UTP18: variants seen among roughly 807,000 people sequenced by gnomAD.
UTP18 encodes U3 small nucleolar RNA-associated protein 18 homolog.
UTP18 carries 36 observed loss-of-function variants against 61.1 expected under a neutral mutation model. The observed-to-expected ratio is 0.59, with a 90% CI of 0.45 to 0.78. The LOEUF is 0.78. Ranked by LOEUF, UTP18 falls within the 30% of genes least tolerant of loss-of-function variation. The pLI is 0.00. For synonymous variants in UTP18, 282 were observed against 251.1 expected (o/e 1.12, Z -1.16); for missense variants, 753 against 693.9 (o/e 1.09, Z -0.96).
intron 11 of UTP18, among the ~76,000 whole-genome samples, chr17:51,290,309 A>T (rs1197387008): frequency 6.6e-6 from 1 of 152,090 alleles, no homozygotes; most frequent in Non-Finnish European, 1.5e-5. Flanking sequence ...CCAGCTACTC[A>T]GGAGGCTGAG....
chr17:51,291,136 G>A (rs747059447), intron 11 of UTP18, among the ~76,000 whole-genome samples: 7 of 152,226 alleles, frequency 4.6e-5, no homozygotes, highest in Non-Finnish European at 8.8e-5. Context: ...GCTCACGCCT[G>A]TAATCCCAGC....
chr17:51,261,087 C>T (rs1462660674), intron 1 of UTP18, among the ~76,000 whole-genome samples, 161 bp downstream of exon 1: 1 of 152,208 alleles, frequency 6.6e-6, no homozygotes, highest in Non-Finnish European at 1.5e-5. Flanking sequence ...GCTGCGGGTC[C>T]CTCGCCTCCC....
chr17:51,270,901 G>A (rs948313689), intron 4 of UTP18, among the ~76,000 whole-genome samples: 13 of 152,326 alleles, frequency 8.5e-5, no homozygotes, highest in Non-Finnish European at 1.8e-4. Context: ...TTGTACATGA[G>A]AGAGGTTCAA....
chr17:51,286,736 G>A (rs1187533133), intron 10 of UTP18, among the ~76,000 whole-genome samples: 3 of 152,194 alleles, frequency 2.0e-5, no homozygotes, highest in South Asian at 2.1e-4. Flanking sequence ...GGTAGTGTGC[G>A]CTATGGCAGC....
Position 51,277,070 on chromosome 17 carries a change from A to G in UTP18, c.838-60A>G, listed in dbSNP as rs1222536486. The G allele has an allele frequency of 5.2e-6, 8 of 1,539,930 alleles. No homozygotes were observed. In the Middle Eastern group the frequency reaches 5.2e-4, roughly 100 times the overall value. On this transcript the variant is annotated intron_variant, in intron 6 of 13. Transcript: ENST00000225298. ...TGAACACTTGTAGTGAAAAGTATATACTACCAGGATACAGGGTCTGTGGAA... is the reference window on the plus strand; with the variant it reads ...TGAACACTTGTAGTGAAAAGTATATGCTACCAGGATACAGGGTCTGTGGAA...
Position 51,277,291 on chromosome 17 carries a change from G to A in UTP18, c.999G>A (p.Val333=), listed in dbSNP as rs1455775060. Residue 333 remains valine (V), a synonymous_variant, in exon 7 of 14, where the codon GTG becomes GTA. Transcript: ENST00000225298. The part of the protein sequence containing the change: ...YDMLAGKLIP[V]HQVRGLKEKI... ...TGCTGGCTGGAAAGTTAATTCCTGTGCATCAAGTGAGAGGTAAGATTTCTG... is the reference window on the plus strand; with the variant it reads ...TGCTGGCTGGAAAGTTAATTCCTGTACATCAAGTGAGAGGTAAGATTTCTG... The A allele has an allele frequency of 6.2e-7, 1 of 1,613,834 alleles. No individual in the cohort carries two copies. The highest frequency in any genetic ancestry group is 8.5e-7 in the Non-Finnish European group (1 of 1,179,942).
intron 2 of UTP18, among the ~76,000 whole-genome samples, chr17:51,265,495 T>G (rs1012536704): frequency 6.6e-5 from 10 of 151,492 alleles, no homozygotes; most frequent in African/African-American, 2.4e-4. Context: ...GCTCCCGACC[T>G]TCAGTGATCC....
At chr17:51,271,591 G>A (rs946350721) in intron 4 of UTP18, among the ~76,000 whole-genome samples, 5 of 147,134 alleles carry the variant, frequency 3.4e-5, no homozygotes, top group Admixed American at 6.7e-5. Flanking sequence ...TTTCTGATTC[G>A]TTTTCTAGAC....
chr17:51,288,123 G>A lies in UTP18; in HGVS notation c.1423G>A (p.Gly475Ser), dbSNP rs1216660902. 7 of 1,610,494 alleles carry A rather than the reference G, an allele frequency of 4.3e-6. No homozygotes were observed. Among genetic ancestry groups the A allele is most frequent in the Non-Finnish European group, 5.9e-6 (7 of 1,179,190 alleles). The change falls in exon 11 of 14, where the codon GGT becomes AGT. Residue 475 changes from glycine (G) to serine (S), a missense_variant. Coordinates refer to ENST00000225298, the MANE Select transcript of UTP18 (RefSeq NM_016001.3). ...PIKAIMNLVT[G>S]VTSLTFNPTT... ...AAAAGCTATAATGAACTTGGTTACA[G>A]GTGTTACTTCTCTGACCTTCAATCC... is the stretch of plus-strand genomic sequence containing the variant.
Position 51,260,821 on chromosome 17 carries a change from G to C in UTP18, c.237G>C (p.Arg79Ser). ...ERRLRQRNRL[R>S]LEEDKPAVER... is the part of the protein sequence containing the mutation. ...GGCTCCGGCAGCGGAACCGCCTGAG[G>C]CTGGAGGAGGACAAACCGGCCGTGG... The change falls in exon 1 of 14, where the codon AGG (arginine) becomes AGC (serine). Residue 79 changes from arginine to serine, a missense_variant. By Grantham distance (110) the Arg-to-Ser change is moderately radical (BLOSUM62 -1). Coordinates refer to ENST00000225298, the MANE Select transcript of UTP18 (RefSeq NM_016001.3). The C allele has an allele frequency of 1.9e-6, 3 of 1,594,368 alleles. No homozygotes were observed. Among genetic ancestry groups the C allele is most frequent in the South Asian group, 1.1e-5 (1 of 88,452 alleles).
chr17:51,288,159 A>G lies in UTP18; in HGVS notation c.1459A>G (p.Ile487Val), dbSNP rs773525710. The G allele has an allele frequency of 1.7e-5, 27 of 1,601,344 alleles. No individual in the cohort carries two copies. Among genetic ancestry groups the G allele is most frequent in the Middle Eastern group, 1.7e-4 (1 of 5,930 alleles). Residue 487 changes from isoleucine to valine, a missense_variant, in exon 11 of 14, where the codon ATC becomes GTC. Transcript: ENST00000225298. ...TCTGACCTTCAATCCTACTACAGAA[A>G]TCTTGGCAATTGCTTCAGAAAAAAT... ...TSLTFNPTTEILAIASEKMKE... is the reference protein window; with the variant it reads ...TSLTFNPTTEVLAIASEKMKE...
chr17:51,261,425 C>A (rs1598470521), intron 1 of UTP18, among the ~76,000 whole-genome samples: 1 of 152,144 alleles, frequency 6.6e-6, no homozygotes, highest in Non-Finnish European at 1.5e-5. Context: ...TATTGGTGAA[C>A]CTGTTAGTTG....
intron 11 of UTP18, 82 bp downstream of exon 11, chr17:51,288,285 G>A (rs368950763): frequency 4.2e-5 from 56 of 1,323,176 alleles, no homozygotes; most frequent in Non-Finnish European, 5.2e-5. Context: ...AAAGGAGAGC[G>A]TTGAATTATT....
chr17:51,279,757 C>CTAAAA (rs1904849055), intron 7 of UTP18, among the ~76,000 whole-genome samples: 1 of 152,046 alleles, frequency 6.6e-6, no homozygotes, highest in African/African-American at 2.4e-5. Flanking sequence ...AGTCTCTGGC[C>CTAAAA]TGCAGTTAAA....
Position 51,268,793 on chromosome 17 carries a change from T to C in UTP18, c.555-44T>C, listed in dbSNP as rs562740753. On this transcript the variant is annotated intron_variant, in intron 3 of 13. Transcript: ENST00000225298. Reference sequence around the variant, plus strand: ...TTAAATGTATCAAGCTTTATGGACATGTAGTGGTTGCCATAAATATATTTT... The same window carrying C: ...TTAAATGTATCAAGCTTTATGGACACGTAGTGGTTGCCATAAATATATTTT... 123 of 1,507,138 alleles carry C rather than the reference T, an allele frequency of 8.2e-5. 1 individual carries two copies. The South Asian group carries it at 1.3e-3, about 16-fold the overall frequency. The allele number at this position is 1,507,138 out of a possible 1,614,324, so 93.4% of individuals were successfully genotyped here.
At chr17:51,293,422 A>G (rs930386700) in intron 11 of UTP18, among the ~76,000 whole-genome samples, 12 of 152,230 alleles carry the variant, frequency 7.9e-5, no homozygotes, top group Admixed American at 2.6e-4. Context: ...GTGTACATCA[A>G]TCTTGTCCAA....
intron 5 of UTP18, 116 bp from the exon 6 acceptor site, chr17:51,275,750 C>T: frequency 1.3e-6 from 1 of 769,382 alleles, no homozygotes; most frequent in Non-Finnish European, 1.7e-6. Flanking sequence ...TGTTTGGTTA[C>T]CATTCCAGTG....
chr17:51,275,135 T>G (rs964399177), intron 5 of UTP18, among the ~76,000 whole-genome samples: 1 of 150,672 alleles, frequency 6.6e-6, no homozygotes, highest in African/African-American at 2.5e-5. Flanking sequence ...AGGCAGAGGT[T>G]GTGGTGAGTC....
At chr17:51,287,971 G>T (rs1905156447) in intron 10 of UTP18, 58 bp from the exon 11 acceptor site, 1 of 1,310,268 alleles carries the variant, frequency 7.6e-7, no homozygotes, top group South Asian at 1.8e-5. Flanking sequence ...TATTCACTTA[G>T]GTTGTGAAAG....
Sources: gnomAD v4.1 joint callset for allele counts (sites outside exome capture counted in the v4.1 genomes callset) on GRCh38, gnomAD v4.1.1 for gene constraint, MANE v1.5 for transcripts, NCBI Gene and HGNC (gene_info 2026-07-23, HGNC 2026-07-21) for gene names.